The following FHL5 variants were observed in gnomAD, a reference collection of about 807,000 sequenced individuals.
FHL5 encodes the protein four and a half LIM domains 5, also known as four and a half LIM domains protein 5.
Under a neutral mutation model 32.0 loss-of-function variants are expected in FHL5, and 33 were observed. The ratio of observed to expected loss-of-function variants is 1.03; its 90% CI spans 0.78 to 1.38. The LOEUF is 1.38. Among genes scored for constraint, FHL5 ranks in the 40% most tolerant of loss-of-function variants. The pLI, the probability that FHL5 is intolerant of heterozygous loss-of-function variation, is 0.00. For missense variants in FHL5, 336 were observed against 343.9 expected (o/e 0.98, Z 0.18); for synonymous variants, 114 against 113.6 (o/e 1.00, Z -0.02).
chr6:96,567,164 A>G (rs530742669), intron 1 of FHL5, among the ~76,000 whole-genome samples: 1 of 151,914 alleles, frequency 6.6e-6, no homozygotes, highest in Admixed American at 6.6e-5. Flanking sequence ...TGATTTTTAC[A>G]TGTTATGTGA....
At chr6:96,567,959 T>G (rs1770396118) in intron 1 of FHL5, among the ~76,000 whole-genome samples, 1 of 151,570 alleles carries the variant, frequency 6.6e-6, no homozygotes, top group South Asian at 2.1e-4. Context: ...GACCTCCTTT[T>G]CAATTTAGAT....
In FHL5 at chr6:96,617,374, A is replaced by G. The variant is rs1446587432; in HGVS notation, c.*1602A>G. 6.6e-6 allele frequency among the ~76,000 whole-genome samples: 1 copy of G among 152,250 alleles called. No individual in the cohort carries two copies. The highest frequency in any genetic ancestry group is 1.5e-5 in the Non-Finnish European group (1 of 68,044). On this transcript the variant is annotated 3_prime_UTR_variant, in exon 6 of 6. Transcript: ENST00000450218. ...ACCAAAATAGCATCACAGGAGATTC[A>G]ATTAAAATTGTTATGGAAATAATTT...
chr6:96,576,087 G>A (rs1167337041), intron 1 of FHL5, among the ~76,000 whole-genome samples: 1 of 152,132 alleles, frequency 6.6e-6, no homozygotes, highest in African/African-American at 2.4e-5. Context: ...CCTCAGCTTA[G>A]GAACCTCCAC....
At chr6:96,582,004 T>C (rs558417263) in intron 1 of FHL5, among the ~76,000 whole-genome samples, 3 of 152,170 alleles carry the variant, frequency 2.0e-5, no homozygotes, top group South Asian at 4.1e-4. Flanking sequence ...TGAATACTTT[T>C]AGATAAATTG....
At chr6:96,609,478 T>G (rs1368925324) in intron 4 of FHL5, among the ~76,000 whole-genome samples, 1 of 152,220 alleles carries the variant, frequency 6.6e-6, no homozygotes, top group African/African-American at 2.4e-5. Context: ...AACTAAAGAT[T>G]TCTCAGCCTT....
At chr6:96,613,900 T>C (rs750965315) in intron 5 of FHL5, among the ~76,000 whole-genome samples, 11 of 152,144 alleles carry the variant, frequency 7.2e-5, no homozygotes, top group Non-Finnish European at 1.5e-4. Context: ...GGACTTAGAA[T>C]AGTAATTGGC....
chr6:96,564,024 A>G lies in FHL5; in HGVS notation c.-13+669A>G, dbSNP rs563107322. ...TATTCAGGCAAAAAGCATACATCCC[A>G]TATGTGTTAATGCTTTCTCTCTCAC... On this transcript the variant is annotated intron_variant, in intron 1 of 5. Coordinates refer to ENST00000450218, the MANE Select transcript of FHL5 (RefSeq NM_001322466.2). Among the ~76,000 whole-genome samples, 3 of 152,308 alleles carry G rather than the reference A, an allele frequency of 2.0e-5. No individual in the cohort carries two copies. In the East Asian group the frequency reaches 5.8e-4, roughly 29 times the overall value.
chr6:96,603,289 C>T (rs1771194693), intron 1 of FHL5, among the ~76,000 whole-genome samples: 1 of 152,132 alleles, frequency 6.6e-6, no homozygotes, highest in Admixed American at 6.5e-5. Flanking sequence ...CCTGTTTCAA[C>T]AGATACCATA....
intron 3 of FHL5, 84 bp downstream of exon 3, chr6:96,605,008 C>A: frequency 1.0e-6 from 1 of 988,160 alleles, no homozygotes; most frequent in South Asian, 2.1e-5. Flanking sequence ...TGCAGCAGCT[C>A]CCAAAACCCT....
chr6:96,583,628 G>T (rs1770738884), intron 1 of FHL5, among the ~76,000 whole-genome samples: 1 of 152,064 alleles, frequency 6.6e-6, no homozygotes, highest in South Asian at 2.1e-4. Context: ...TTAGAGAAAA[G>T]CCCTTTAATC....
Position 96,604,781 on chromosome 6 carries a change from A to G in FHL5, c.191A>G (p.Glu64Gly), listed in dbSNP as rs1771234420. 1 of 1,613,574 alleles carries G rather than the reference A, an allele frequency of 6.2e-7. No homozygotes were observed. The highest frequency in any genetic ancestry group is 1.1e-5 in the South Asian group (1 of 91,014). ...DLCYKDRHWH[E>G]GCFKCTKCNH... is the part of the protein sequence containing the mutation. ...TGTTACAAAGACCGGCACTGGCATG[A>G]AGGATGCTTCAAGTGCACCAAATGC... Residue 64 changes from glutamate (E) to glycine (G), a missense_variant, in exon 3 of 6, where the codon GAA (glutamate) becomes GGA (glycine). Coordinates refer to ENST00000450218, the MANE Select transcript of FHL5 (RefSeq NM_001322466.2).
intron 1 of FHL5, among the ~76,000 whole-genome samples, chr6:96,587,577 A>G (rs1770825046): frequency 6.6e-6 from 1 of 152,180 alleles, no homozygotes; most frequent in Non-Finnish European, 1.5e-5. Context: ...TTATATAGAA[A>G]AGAGTATTCA....
At chr6:96,583,124 A>G (rs1770727865) in intron 1 of FHL5, among the ~76,000 whole-genome samples, 2 of 152,170 alleles carry the variant, frequency 1.3e-5, no homozygotes, top group South Asian at 2.1e-4. Flanking sequence ...TTTTAACCCA[A>G]TGCTCTTCTT....
intron 1 of FHL5, among the ~76,000 whole-genome samples, chr6:96,589,141 C>T (rs1296558173): frequency 6.6e-6 from 1 of 151,992 alleles, no homozygotes; most frequent in Non-Finnish European, 1.5e-5. Context: ...TTTGACATAT[C>T]ACATTTTCAT....
intron 1 of FHL5, among the ~76,000 whole-genome samples, chr6:96,587,141 T>G (rs1383147110): frequency 6.6e-6 from 1 of 152,210 alleles, no homozygotes; most frequent in Non-Finnish European, 1.5e-5. Flanking sequence ...CTGTTTATTA[T>G]CAGAGTGTTT....
intron 1 of FHL5, among the ~76,000 whole-genome samples, chr6:96,596,966 T>C (rs1391050278): frequency 6.6e-6 from 1 of 152,090 alleles, no homozygotes; most frequent in African/African-American, 2.4e-5. Flanking sequence ...ACTTTTTAAG[T>C]CCTACTGCAT....
intron 5 of FHL5, among the ~76,000 whole-genome samples, 197 bp from the exon 6 acceptor site, chr6:96,615,412 T>C (rs879442466): frequency 9.2e-5 from 14 of 152,292 alleles, no homozygotes; most frequent in Middle Eastern, 3.4e-3. Flanking sequence ...TCTGGTTGGG[T>C]GGCATAGGTG....
At chr6:96,577,288 G>A (rs1770602913) in intron 1 of FHL5, among the ~76,000 whole-genome samples, 1 of 152,006 alleles carries the variant, frequency 6.6e-6, no homozygotes, top group Admixed American at 6.6e-5. Flanking sequence ...TCTGGCAAGA[G>A]GCAGATTATT....
intron 1 of FHL5, among the ~76,000 whole-genome samples, chr6:96,583,975 C>T (rs1012198707): frequency 2.6e-5 from 4 of 152,016 alleles, no homozygotes; most frequent in African/African-American, 7.2e-5. Context: ...TTCATTAGTG[C>T]TTGTTTTGGA....
Sources: gnomAD v4.1 joint callset for allele counts (sites outside exome capture counted in the v4.1 genomes callset) on GRCh38, gnomAD v4.1.1 for gene constraint, MANE v1.5 for transcripts, NCBI Gene and HGNC (gene_info 2026-07-23, HGNC 2026-07-21) for gene names.